The following ABR variants were observed in gnomAD, a reference collection of about 807,000 sequenced individuals.
ABR encodes active breakpoint cluster region-related protein.
In ABR, 35 loss-of-function variants were observed where a neutral mutation model predicts 107.2. That is an observed-to-expected ratio of 0.33 (90% confidence interval 0.25 to 0.43). ABR has a LOEUF of 0.43. Ranked by LOEUF, ABR falls within the 20% of genes least tolerant of loss-of-function variation. ABR has a pLI of 1.00. For synonymous variants in ABR, 498 were observed against 462.0 expected (o/e 1.08, Z -1.00); for missense variants, 815 against 1,115.2 (o/e 0.73, Z 3.83).
intron 1 of ABR, among the ~76,000 whole-genome samples, chr17:1,143,843 A>G (rs993374293): frequency 6.6e-6 from 1 of 152,122 alleles, no homozygotes; most frequent in East Asian, 1.9e-4. Context: ...AGCCCTGGGC[A>G]GAGAAGCGCA....
At position 1,079,324 on chromosome 17, in the gene ABR, A is replaced by G; in HGVS notation, c.700+6T>C. 1 of 1,613,140 alleles carries G rather than the reference A, an allele frequency of 6.2e-7. No homozygotes were observed. Among genetic ancestry groups the G allele is most frequent in the Non-Finnish European group, 8.5e-7 (1 of 1,179,522 alleles). On this transcript the variant is annotated splice_donor_region_variant and intron_variant, in intron 6 of 22. Transcript: ENST00000302538. ...TGCCTGTAATCCAGCCCGCTCCCCGAGGTACCTTCCATGGTGACAGACGTG... is the reference window on the plus strand; with the variant it reads ...TGCCTGTAATCCAGCCCGCTCCCCGGGGTACCTTCCATGGTGACAGACGTG...
At chr17:1,030,633 CGAG>C (rs759811122) in intron 16 of ABR, among the ~76,000 whole-genome samples, 8 of 152,324 alleles carry the variant, frequency 5.3e-5, no homozygotes, top group Middle Eastern at 3.4e-3. Context: ...TGAAACAAAA[CGAG>C]GGGCCAGTGA....
chr17:1,160,267 A>G (rs137951981), intron 1 of ABR, among the ~76,000 whole-genome samples: 179 of 124,978 alleles, frequency 1.4e-3, no homozygotes, highest in African/African-American at 5.2e-3. Flanking sequence ...AACAAAAAAC[A>G]ATAACAAAAA....
intron 1 of ABR, among the ~76,000 whole-genome samples, chr17:1,151,881 G>T (rs552487945): frequency 6.6e-6 from 1 of 151,872 alleles, no homozygotes; most frequent in African/African-American, 2.4e-5. Context: ...TTAGCCGGGC[G>T]TGGTGATGAG....
intron 2 of ABR, among the ~76,000 whole-genome samples, chr17:1,102,216 G>A (rs949481221): frequency 2.6e-5 from 4 of 152,032 alleles, no homozygotes; most frequent in Non-Finnish European, 5.9e-5. Context: ...ATCTTCAAAG[G>A]TCTCTAGCTT....
intron 16 of ABR, among the ~76,000 whole-genome samples, chr17:1,042,512 C>T (rs897745106): frequency 5.8e-5 from 4 of 69,086 alleles, no homozygotes; most frequent in African/African-American, 1.9e-4. Context: ...CCTACATCCA[C>T]GGACGGATGG....
chr17:1,207,228 TGG>T (rs1456518712), intron 1 of ABR, among the ~76,000 whole-genome samples: 1 of 145,158 alleles, frequency 6.9e-6, no homozygotes, highest in Non-Finnish European at 1.5e-5. Context: ...CACTCCAGCC[TGG>T]GCAACAGTGA....
At chr17:1,186,132 C>T (rs112049298) in intron 1 of ABR, among the ~76,000 whole-genome samples, 3,019 of 152,280 alleles carry the variant, frequency 0.02, 114 homozygotes, top group African/African-American at 0.068. Flanking sequence ...CCACCATGTG[C>T]GGCCAGCATT....
intron 1 of ABR, among the ~76,000 whole-genome samples, chr17:1,152,448 G>A (rs11867547): frequency 0.11 from 15,931 of 151,030 alleles, 980 homozygotes; most frequent in Middle Eastern, 0.24. Flanking sequence ...AAAATTAGCC[G>A]GGCGTGGTGG....
At chr17:1,217,655 G>A (rs779276210) in intron 1 of ABR, among the ~76,000 whole-genome samples, 1 of 152,104 alleles carries the variant, frequency 6.6e-6, no homozygotes, top group Non-Finnish European at 1.5e-5. Context: ...GCCGTGAATC[G>A]AACCCAGGCA....
rs540784064 is a variant in ABR, at chr17:1,023,381, ACCACTGCCTC to A, written c.1792-10227_1792-10218del. On this transcript the variant is annotated intron_variant, in intron 16 of 22. Coordinates refer to ENST00000302538, the MANE Select transcript of ABR (RefSeq NM_021962.5). ...GTCTTCCTCAGGGCCAGCCCACCCC[ACCACTGCCTC>A]CCTGTGCAGGCAGCCTGGAGGCTTC... Among the ~76,000 whole-genome samples the A allele has an allele frequency of 5.6e-4, 86 of 152,300 alleles. 1 individual carries two copies. The highest frequency in any genetic ancestry group is 1.7e-3 in the African/African-American group (71 of 41,586).
intron 2 of ABR, among the ~76,000 whole-genome samples, chr17:1,112,256 G>A (rs2038717688): frequency 6.6e-6 from 1 of 152,222 alleles, no homozygotes; most frequent in Non-Finnish European, 1.5e-5. Flanking sequence ...CGATCCGTCT[G>A]GGGTGAGGAC....
At chr17:1,144,026 TTCTGAGTCTCA>T (rs1462392074) in intron 1 of ABR, among the ~76,000 whole-genome samples, 2 of 152,094 alleles carry the variant, frequency 1.3e-5, no homozygotes, top group Admixed American at 6.5e-5. Context: ...AAACTGAGGC[TTCTGAGTCTCA>T]TCCAAGGCCA....
intron 1 of ABR, among the ~76,000 whole-genome samples, chr17:1,196,802 C>T (rs1164426374): frequency 1.3e-5 from 2 of 151,646 alleles, no homozygotes; most frequent in Admixed American, 1.3e-4. Context: ...TCATGCCATT[C>T]TCCTGCCTCA....
chr17:1,044,791 T>C (rs2150996866), intron 16 of ABR, among the ~76,000 whole-genome samples: 1 of 152,286 alleles, frequency 6.6e-6, no homozygotes, highest in East Asian at 1.9e-4. Flanking sequence ...TTCACATTCG[T>C]GCCTCCCTGC....
chr17:1,146,417 G>C (rs1013207831), intron 1 of ABR, among the ~76,000 whole-genome samples: 11 of 152,108 alleles, frequency 7.2e-5, no homozygotes, highest in African/African-American at 2.4e-4. Flanking sequence ...CTGTGGTCCT[G>C]AGCTCTGGCT....
intron 11 of ABR, 90 bp downstream of exon 11, chr17:1,058,655 G>T (rs543959680): frequency 1.3e-6 from 2 of 1,502,270 alleles, no homozygotes; most frequent in South Asian, 1.3e-5. Context: ...CTGAGTTTCC[G>T]GTTCGTACAG....
At chr17:1,137,662 G>A (rs1039700427) in intron 1 of ABR, among the ~76,000 whole-genome samples, 1 of 152,158 alleles carries the variant, frequency 6.6e-6, no homozygotes, top group Non-Finnish European at 1.5e-5. Context: ...CCACCAACAC[G>A]TAACACAGAG....
chr17:1,149,049 CTG>C, intron 1 of ABR, among the ~76,000 whole-genome samples: 1 of 149,574 alleles, frequency 6.7e-6, no homozygotes, highest in Non-Finnish European at 1.5e-5. Context: ...CGACAGGTGC[CTG>C]CCACCATGCC....
Sources: allele counts gnomAD v4.1 joint callset (sites outside exome capture counted in the v4.1 genomes callset), GRCh38; gene constraint gnomAD v4.1.1; transcripts MANE v1.5; gene names NCBI Gene and HGNC (gene_info 2026-07-23, HGNC 2026-07-21).